TMPRSS15: variants seen among roughly 807,000 people sequenced by gnomAD.
TMPRSS15 encodes enteropeptidase.
Under a neutral mutation model 125.3 loss-of-function variants are expected in TMPRSS15, and 128 were observed. That is an observed-to-expected ratio of 1.02 (90% CI 0.89 to 1.18). The LOEUF (loss-of-function observed/expected upper bound fraction) is 1.18, where lower values mean the gene tolerates loss of function less well. Ranked by LOEUF, TMPRSS15 falls within the 50% of genes most tolerant of loss-of-function variation. The probability of loss-of-function intolerance (pLI) is 0.00; values close to 1 mark genes in which losing one functional copy is unlikely to be tolerated. For synonymous variants in TMPRSS15, 446 were observed against 423.2 expected, an observed-to-expected ratio of 1.05 and a Z score of -0.66; for missense variants, 1,283 against 1,212.7, an observed-to-expected ratio of 1.06 and a Z score of -0.86.
At chr21:18,284,235 C>G (rs908504644) in intron 21 of TMPRSS15, among the ~76,000 whole-genome samples, 21 of 152,148 alleles carry the variant, frequency 1.4e-4, no homozygotes, top group African/African-American at 5.1e-4. Context: ...CACCACAAAA[C>G]CAACACTAGC....
At position 18,313,714 on chromosome 21, in the gene TMPRSS15, C is replaced by A. The variant is rs141012518; in HGVS notation, c.2033-637G>T. ...TATAAATTTAGTAGACAATTTTGCT[C>A]TTTTATGTAACCATAAAAATGGAAA... On this transcript the variant is annotated intron_variant, in intron 17 of 24. Coordinates refer to ENST00000284885, the MANE Select transcript of TMPRSS15 (RefSeq NM_002772.3). 4.3e-4 allele frequency among the ~76,000 whole-genome samples: 65 copies of A among 151,858 alleles called. 2 individuals are homozygous for A. Among genetic ancestry groups the A allele is most frequent in the African/African-American group, 1.6e-3 (65 of 41,464 alleles).
chr21:18,275,355 G>A lies in TMPRSS15; in HGVS notation c.2765-19C>T. On this transcript the variant is annotated intron_variant, in intron 23 of 24. Transcript: ENST00000284885. ...GTAGTACCTGCTCAAAATGGAGAAT[G>A]CAGCCAGCCAGTCAGAAGTGATCAA... The A allele has an allele frequency of 6.2e-7, 1 of 1,613,444 alleles. No homozygotes were observed. Among genetic ancestry groups the A allele is most frequent in the East Asian group, 2.2e-5 (1 of 44,858 alleles).
chr21:18,382,636 G>T (rs769865698), intron 4 of TMPRSS15, among the ~76,000 whole-genome samples: 1 of 152,050 alleles, frequency 6.6e-6, no homozygotes, highest in Non-Finnish European at 1.5e-5. Flanking sequence ...AAATAGTTAG[G>T]CTATTTAGAG....
At chr21:18,306,238 A>T (rs2075037038) in intron 18 of TMPRSS15, among the ~76,000 whole-genome samples, 1 of 152,182 alleles carries the variant, frequency 6.6e-6, no homozygotes, top group Admixed American at 6.5e-5. Flanking sequence ...AAATATGAAC[A>T]AGGGCAGAAG....
intron 7 of TMPRSS15, among the ~76,000 whole-genome samples, chr21:18,364,268 A>G (rs558599175): frequency 6.6e-6 from 1 of 152,258 alleles, no homozygotes; most frequent in Non-Finnish European, 1.5e-5. Context: ...CCATCTAGCT[A>G]TTAATAGAAA....
In TMPRSS15 at chr21:18,317,856, T is replaced by A. The variant is rs184894587; in HGVS notation, c.1922-2600A>T. Among the ~76,000 whole-genome samples, 353 of 99,038 alleles carry A rather than the reference T, an allele frequency of 3.6e-3. 3 individuals carry two copies. The highest frequency in any genetic ancestry group is 0.013 in the African/African-American group (306 of 24,182). 65.0% of individuals were successfully genotyped at this position (99,038 alleles called of 152,430 possible). On this transcript the variant is annotated intron_variant, in intron 16 of 24. Transcript: ENST00000284885. ...TCCTATTCCATCCCATCCCATCCCATCCCATCCCATCCCATCCCATCCCAT... is the reference window on the plus strand; with the variant it reads ...TCCTATTCCATCCCATCCCATCCCAACCCATCCCATCCCATCCCATCCCAT...
At chr21:18,380,077 G>C (rs1809999186) in intron 4 of TMPRSS15, among the ~76,000 whole-genome samples, 1 of 151,558 alleles carries the variant, frequency 6.6e-6, no homozygotes, top group Non-Finnish European at 1.5e-5. Flanking sequence ...TATTCTGAAA[G>C]TGGTCTTTCT....
chr21:18,324,221 C>T (rs1159607661), intron 16 of TMPRSS15, among the ~76,000 whole-genome samples: 1 of 151,976 alleles, frequency 6.6e-6, no homozygotes, highest in Non-Finnish European at 1.5e-5. Context: ...TTTTCAATTT[C>T]AGGAATGTTT....
intron 16 of TMPRSS15, among the ~76,000 whole-genome samples, chr21:18,316,199 T>TAA (rs1430686401): frequency 1.1e-4 from 17 of 152,266 alleles, no homozygotes; most frequent in African/African-American, 3.9e-4. Context: ...CAGACATCTC[T>TAA]TTTGCAGCAA....
intron 1 of TMPRSS15, among the ~76,000 whole-genome samples, chr21:18,413,358 T>TCCTTCCTTC (rs1555911479): frequency 1.4e-5 from 2 of 138,960 alleles, no homozygotes; most frequent in African/African-American, 5.4e-5. Flanking sequence ...CTTCCTTCCT[T>TCCTTCCTTC]CCTTTCCTTC....
At chr21:18,391,772 A>G in intron 3 of TMPRSS15, among the ~76,000 whole-genome samples, 1 of 152,216 alleles carries the variant, frequency 6.6e-6, no homozygotes, top group East Asian at 1.9e-4. Context: ...CTGCTCTAGC[A>G]GAAGTTCTCC....
intron 16 of TMPRSS15, among the ~76,000 whole-genome samples, chr21:18,318,222 C>T (rs1166289509): frequency 6.6e-6 from 1 of 152,036 alleles, no homozygotes; most frequent in African/African-American, 2.4e-5. Context: ...GGAATGGAAC[C>T]TGGGGATTAG....
chr21:18,391,637 GGC>G (rs1569052211), intron 3 of TMPRSS15, among the ~76,000 whole-genome samples: 63 of 152,306 alleles, frequency 4.1e-4, no homozygotes, highest in African/African-American at 1.3e-3. Flanking sequence ...AGTTTTTCCA[GGC>G]ACACGGTGTG....
At position 18,364,821 on chromosome 21, in the gene TMPRSS15, A is replaced by G. The variant is rs182633472; in HGVS notation, c.773+319T>C. On this transcript the variant is annotated intron_variant, in intron 7 of 24. Coordinates refer to ENST00000284885, the MANE Select transcript of TMPRSS15 (RefSeq NM_002772.3). ...ACAAATGCAGAAGATGCGAAATTCTACTTCTCACGATACACAGACATACAT... is the reference window on the plus strand; with the variant it reads ...ACAAATGCAGAAGATGCGAAATTCTGCTTCTCACGATACACAGACATACAT... Among the ~76,000 whole-genome samples, 411 of 152,304 alleles carry G rather than the reference A, an allele frequency of 2.7e-3. 2 individuals carry two copies. Among genetic ancestry groups the G allele is most frequent in the Non-Finnish European group, 1.8e-3 (121 of 68,016 alleles).
chr21:18,339,697 T>TG (rs2075428398), intron 13 of TMPRSS15, among the ~76,000 whole-genome samples: 1 of 151,690 alleles, frequency 6.6e-6, no homozygotes, highest in African/African-American at 2.4e-5. Flanking sequence ...TTGTTTTTTT[T>TG]GCATAAAAAC....
chr21:18,300,184 C>T (rs2074951563), intron 18 of TMPRSS15, among the ~76,000 whole-genome samples: 1 of 145,324 alleles, frequency 6.9e-6, no homozygotes, highest in East Asian at 2.0e-4. Flanking sequence ...GGATACATTC[C>T]TTTTTCTTTC....
chr21:18,342,298 A>T (rs1331025662), intron 12 of TMPRSS15, among the ~76,000 whole-genome samples: 1 of 152,200 alleles, frequency 6.6e-6, no homozygotes, highest in African/African-American at 2.4e-5. Flanking sequence ...CATTGATCTT[A>T]TTTAATTTTC....
At chr21:18,417,835 A>T (rs529171877) in intron 1 of TMPRSS15, among the ~76,000 whole-genome samples, 1 of 152,206 alleles carries the variant, frequency 6.6e-6, no homozygotes, top group Non-Finnish European at 1.5e-5. Flanking sequence ...GCCTACACAC[A>T]TATAAACACG....
intron 3 of TMPRSS15, among the ~76,000 whole-genome samples, chr21:18,394,953 G>A (rs1643240655): frequency 6.6e-6 from 1 of 151,876 alleles, no homozygotes; most frequent in Admixed American, 6.6e-5. Context: ...CATTAAAAAG[G>A]AAAAAAATAA....
Sources: allele counts gnomAD v4.1 joint callset (sites outside exome capture counted in the v4.1 genomes callset), GRCh38; gene constraint gnomAD v4.1.1; transcripts MANE v1.5; gene names NCBI Gene and HGNC (gene_info 2026-07-23, HGNC 2026-07-21).